MTOR: variants seen among roughly 807,000 people sequenced by gnomAD.
MTOR encodes serine/threonine-protein kinase mTOR.
A neutral mutation model predicts 319.8 loss-of-function variants in MTOR; 70 were observed. The observed-to-expected ratio is 0.22, with a 90% CI of 0.18 to 0.27. MTOR has a LOEUF of 0.27. Ranked by LOEUF, MTOR falls within the 10% of genes least tolerant of loss-of-function variation. The pLI is 1.00. For missense variants in MTOR, 1,890 were observed against 3,274.4 expected (o/e 0.58, Z 10.32); for synonymous variants, 1,183 against 1,211.4 (o/e 0.98, Z 0.49).
intron 47 of MTOR, among the ~76,000 whole-genome samples, chr1:11,123,483 T>C (rs1399731739): frequency 6.6e-6 from 1 of 151,388 alleles, no homozygotes; most frequent in East Asian, 1.9e-4. Flanking sequence ...TCTTTATTTT[T>C]TGAGAGAAAG....
intron 8 of MTOR, among the ~76,000 whole-genome samples, chr1:11,245,735 T>C (rs763415606): frequency 1.3e-5 from 2 of 152,028 alleles, no homozygotes; most frequent in Admixed American, 1.3e-4. Flanking sequence ...TCCCAAATCA[T>C]CTCTACAAAA....
intron 46 of MTOR, among the ~76,000 whole-genome samples, chr1:11,125,712 G>T (rs1318161502): frequency 5.5e-5 from 7 of 126,278 alleles, no homozygotes; most frequent in African/African-American, 2.1e-4. Flanking sequence ...CTGGGCAACA[G>T]AGTGAGACTC....
intron 47 of MTOR, 148 bp downstream of exon 47, chr1:11,124,350 G>A (rs923558315): frequency 9.4e-7 from 1 of 1,066,016 alleles, no homozygotes; most frequent in Non-Finnish European, 1.3e-6. Context: ...AACCTCTGGA[G>A]TTTCTGGGAC....
At chr1:11,198,750 G>A (rs758839455) in intron 28 of MTOR, among the ~76,000 whole-genome samples, 3 of 152,096 alleles carry the variant, frequency 2.0e-5, no homozygotes, top group African/African-American at 7.2e-5. Context: ...ACAGAGGAGC[G>A]AACATAACCA....
intron 38 of MTOR, 185 bp downstream of exon 38, chr1:11,132,895 A>G (rs1643227930): frequency 1.7e-6 from 1 of 599,112 alleles, no homozygotes; most frequent in African/African-American, 1.8e-5. Flanking sequence ...ATCTTTCTGT[A>G]TTAATTAAAC....
At chr1:11,134,706 A>C (rs868160644) in intron 36 of MTOR, among the ~76,000 whole-genome samples, 1 of 152,156 alleles carries the variant, frequency 6.6e-6, no homozygotes, top group Admixed American at 6.5e-5. Flanking sequence ...AACTATAATT[A>C]CCAGTTTTAT....
At position 11,209,444 on chromosome 1, in the gene MTOR, A is replaced by G. The variant is rs1483290861; in HGVS notation, c.3669T>C (p.Ala1223=). The change falls in exon 25 of 58, where the codon GCT becomes GCC. Residue 1223 remains alanine, a synonymous_variant. Transcript: ENST00000361445. ...AAATCAAAGGATCCTCCTCTTCATCAGCAAGTGTGTATCCCTACAACCAAA... is the reference window on the plus strand; with the variant it reads ...AAATCAAAGGATCCTCCTCTTCATCGGCAAGTGTGTATCCCTACAACCAAA... ...ICRIVKGYTL[A]DEEEDPLIYQ... is the part of the protein sequence containing the mutation. The G allele has an allele frequency of 3.1e-6, 5 of 1,614,208 alleles. No individual in the cohort carries two copies. In the South Asian group the frequency reaches 3.3e-5, roughly 11 times the overall value.
At position 11,129,945 on chromosome 1, in the gene MTOR, A is replaced by T; in HGVS notation, c.5614-107T>A. 1.1e-6 allele frequency: 1 copy of T among 914,656 alleles called. No homozygotes were observed. The highest frequency in any genetic ancestry group is 1.7e-6 in the Non-Finnish European group (1 of 582,480). The allele number at this position is 914,656 out of a possible 1,614,324, so 56.7% of individuals were successfully genotyped here. ...ACCTACTTCAAAGGGTGGTTATAAC[A>T]ATTAAATCGGTTAATGCATGAAAAA... On this transcript the variant is annotated intron_variant, in intron 39 of 57. Coordinates refer to ENST00000361445, the MANE Select transcript of MTOR (RefSeq NM_004958.4). This position sits in a 1 kb window ranked among gnomAD's most constrained non-coding sequence, Gnocchi z 4.7.
At chr1:11,182,315 G>C (rs1314936840) in intron 28 of MTOR, among the ~76,000 whole-genome samples, 1 of 152,066 alleles carries the variant, frequency 6.6e-6, no homozygotes, top group Admixed American at 6.6e-5. Context: ...GATTTATGGG[G>C]ATTTATGTTA....
At position 11,255,846 on chromosome 1, in the gene MTOR, C is replaced by CAAA. The variant is rs35904498; in HGVS notation, c.705+143_705+145dup. The CAAA allele has an allele frequency of 9.6e-3, 5,096 of 529,744 alleles. 1 individual carries two copies. Among genetic ancestry groups the CAAA allele is most frequent in the South Asian group, 0.019 (656 of 33,988 alleles). The allele number at this position is 529,744 out of a possible 1,614,324, so 32.8% of individuals were successfully genotyped here. A position where few individuals can be genotyped will look rare whatever the true frequency, so the allele number is the denominator to read the frequency against. ...TGGGCGACAAAGCAAGACTCCATCA[C>CAAA]AAAAAAAAAAAAAAAAAAATTCATT... On this transcript the variant is annotated intron_variant, in intron 5 of 57. Transcript: ENST00000361445.
intron 13 of MTOR, among the ~76,000 whole-genome samples, chr1:11,235,575 G>C (rs777806728): frequency 8.7e-4 from 132 of 152,262 alleles, no homozygotes; most frequent in Non-Finnish European, 1.1e-3. Context: ...AAACAAAAAA[G>C]AGTAATTTTA....
At chr1:11,139,817 G>A (rs529328862) in intron 34 of MTOR, among the ~76,000 whole-genome samples, 159 bp from the exon 35 acceptor site, 9 of 152,258 alleles carry the variant, frequency 5.9e-5, no homozygotes, top group Admixed American at 5.2e-4. Flanking sequence ...TCAGCCTCCC[G>A]AGTAGCGGGG....
intron 51 of MTOR, 47 bp from the exon 52 acceptor site, chr1:11,114,934 T>C (rs892369805): frequency 2.6e-6 from 4 of 1,567,724 alleles, no homozygotes; most frequent in Admixed American, 3.3e-5. Flanking sequence ...TTATTTTCTT[T>C]ACCTGGAGCC....
chr1:11,211,212 C>T (rs955364935), intron 23 of MTOR, among the ~76,000 whole-genome samples: 1 of 152,196 alleles, frequency 6.6e-6, no homozygotes, highest in African/African-American at 2.4e-5. Context: ...TTCCTGTGTT[C>T]AAAGTCCACC....
intron 5 of MTOR, 94 bp downstream of exon 5, chr1:11,255,898 G>A (rs918851545): frequency 9.0e-6 from 10 of 1,113,206 alleles, no homozygotes; most frequent in Non-Finnish European, 1.3e-5. Context: ...CGTGATTCTT[G>A]CTCCATGGCA....
At position 11,256,212 on chromosome 1, in the gene MTOR, G is replaced by T; in HGVS notation, c.505-20C>A. ...CAGGACCTGGAGAAAAAAGCAAACC[G>T]AGAACTCTCATTGGTACCAGAGTTT... On this transcript the variant is annotated intron_variant, in intron 4 of 57. Coordinates refer to ENST00000361445, the MANE Select transcript of MTOR (RefSeq NM_004958.4). 6.2e-7 allele frequency: 1 copy of T among 1,607,322 alleles called. No homozygotes were observed. The highest frequency in any genetic ancestry group is 1.3e-5 in the African/African-American group (1 of 74,916).
At chr1:11,123,376 C>A (rs1221566142) in intron 47 of MTOR, among the ~76,000 whole-genome samples, 1 of 151,800 alleles carries the variant, frequency 6.6e-6, no homozygotes, top group African/African-American at 2.4e-5. Context: ...CCTGCCTCAG[C>A]CCCCTGAGTA....
chr1:11,255,882 C>G (rs1650336561), intron 5 of MTOR, 110 bp downstream of exon 5: 6 of 972,134 alleles, frequency 6.2e-6, no homozygotes, highest in Non-Finnish European at 8.8e-6. Flanking sequence ...TGAGAGCAAA[C>G]CAAAACGTGA....
chr1:11,194,319 A>C (rs1645688331), intron 28 of MTOR: 1 of 783,530 alleles, frequency 1.3e-6, no homozygotes, highest in East Asian at 2.5e-5. Context: ...AGTAAACTGG[A>C]GGTAAACAAG....
Sources: allele counts gnomAD v4.1 joint callset (sites outside exome capture counted in the v4.1 genomes callset), GRCh38; gene constraint gnomAD v4.1.1; non-coding constraint Gnocchi (gnomAD v3.1); transcripts MANE v1.5; gene names NCBI Gene and HGNC (gene_info 2026-07-23, HGNC 2026-07-21).